The following ROR2 variants were observed in gnomAD, a reference collection of about 807,000 sequenced individuals.
ROR2 encodes the protein tyrosine-protein kinase transmembrane receptor ROR2.
ROR2 carries 33 observed loss-of-function variants against 74.9 expected under a neutral mutation model. The observed-to-expected ratio is 0.44, with a 90% CI of 0.33 to 0.59. ROR2 has a LOEUF of 0.59. Ranked by LOEUF, ROR2 falls within the 20% of genes least tolerant of loss-of-function variation. The pLI is 0.02. For missense variants in ROR2, 1,216 were observed against 1,313.8 expected, an observed-to-expected ratio of 0.93 and a Z score of 1.15; for synonymous variants, 586 against 558.7, an observed-to-expected ratio of 1.05 and a Z score of -0.69.
chr9:91,784,207 GC>G (rs1316131879), intron 1 of ROR2, among the ~76,000 whole-genome samples: 7 of 152,266 alleles, frequency 4.6e-5, no homozygotes, highest in Non-Finnish European at 2.9e-5. Flanking sequence ...AGGCCACAAG[GC>G]TGGAGTTCGT....
intron 1 of ROR2, among the ~76,000 whole-genome samples, chr9:91,862,075 G>A (rs1351540873): frequency 6.6e-6 from 1 of 152,126 alleles, no homozygotes; most frequent in Non-Finnish European, 1.5e-5. Context: ...TGTAATCCCA[G>A]CACTTTGGGA....
intron 5 of ROR2, among the ~76,000 whole-genome samples, chr9:91,735,783 A>AT (rs1825004092): frequency 6.6e-6 from 1 of 151,424 alleles, no homozygotes; most frequent in Non-Finnish European, 1.5e-5. Flanking sequence ...TGCCCAGCTA[A>AT]TTTTTTGTGT....
At chr9:91,792,224 A>C (rs1311285227) in intron 1 of ROR2, among the ~76,000 whole-genome samples, 1 of 152,230 alleles carries the variant, frequency 6.6e-6, no homozygotes, top group Non-Finnish European at 1.5e-5. Flanking sequence ...GAAGGAAGGA[A>C]ATAACAAAGA....
At chr9:91,800,408 G>A (rs1827337373) in intron 1 of ROR2, among the ~76,000 whole-genome samples, 1 of 151,970 alleles carries the variant, frequency 6.6e-6, no homozygotes, top group South Asian at 2.1e-4. Context: ...GTGGTGTACT[G>A]CAAAGCACTG....
rs145042545 is a variant in ROR2, at chr9:91,726,286, G to A, written c.1386+255C>T. Among the ~76,000 whole-genome samples the A allele has an allele frequency of 8.1e-3, 1,228 of 152,300 alleles. 21 individuals are homozygous for A. Among genetic ancestry groups the A allele is most frequent in the African/African-American group, 0.027 (1,123 of 41,552 alleles). ...GTGAGGACACTCGCTGGGGCCCACA[G>A]GGGCAGCATGGTCCAGGCAGAAGGA... On this transcript the variant is annotated intron_variant, in intron 8 of 8. Coordinates refer to ENST00000375708, the MANE Select transcript of ROR2 (RefSeq NM_004560.4).
At chr9:91,762,603 A>T (rs1825949572) in intron 2 of ROR2, among the ~76,000 whole-genome samples, 1 of 152,230 alleles carries the variant, frequency 6.6e-6, no homozygotes, top group Non-Finnish European at 1.5e-5. Context: ...CTTAAAAAAA[A>T]TTCTAGAATG....
intron 1 of ROR2, among the ~76,000 whole-genome samples, chr9:91,777,435 A>G (rs1297944300): frequency 6.6e-6 from 1 of 151,762 alleles, no homozygotes; most frequent in Non-Finnish European, 1.5e-5. Flanking sequence ...TCATCATCAA[A>G]ATGTTATTAT....
chr9:91,912,240 G>C (rs988841690), intron 1 of ROR2, among the ~76,000 whole-genome samples: 2 of 151,098 alleles, frequency 1.3e-5, no homozygotes, highest in African/African-American at 4.8e-5. Context: ...ATTGACTTAA[G>C]AGATTAACAT....
intron 1 of ROR2, among the ~76,000 whole-genome samples, chr9:91,894,688 G>C (rs1334021546): frequency 6.6e-6 from 1 of 152,178 alleles, no homozygotes; most frequent in Non-Finnish European, 1.5e-5. Flanking sequence ...TGTTATTCTT[G>C]AGAGTGGAGG....
chr9:91,778,770 G>A (rs992966496), intron 1 of ROR2, among the ~76,000 whole-genome samples: 2 of 152,120 alleles, frequency 1.3e-5, no homozygotes. Context: ...ACTTTTCTCC[G>A]CTGGACCTGG....
intron 1 of ROR2, among the ~76,000 whole-genome samples, chr9:91,781,975 T>C (rs1401235305): frequency 6.6e-6 from 1 of 152,220 alleles, no homozygotes; most frequent in African/African-American, 2.4e-5. Context: ...AAAAGCCCAC[T>C]GTCAGGGGCC....
chr9:91,890,251 C>T (rs1034787656), intron 1 of ROR2, among the ~76,000 whole-genome samples: 5 of 152,188 alleles, frequency 3.3e-5, no homozygotes, highest in African/African-American at 1.2e-4. Flanking sequence ...TGGGTACGGA[C>T]CCAGGCACAG....
At chr9:91,780,020 G>A (rs1423939179) in intron 1 of ROR2, among the ~76,000 whole-genome samples, 1 of 152,214 alleles carries the variant, frequency 6.6e-6, no homozygotes, top group African/African-American at 2.4e-5. Context: ...ACTGTTGATA[G>A]GGATGATGCC....
chr9:91,762,715 G>A (rs1361823235), intron 2 of ROR2, among the ~76,000 whole-genome samples: 2 of 152,110 alleles, frequency 1.3e-5, no homozygotes, highest in African/African-American at 4.8e-5. Flanking sequence ...TTCCCTGAAA[G>A]GTCATATTTG....
intron 1 of ROR2, among the ~76,000 whole-genome samples, chr9:91,884,714 A>C (rs538726763): frequency 6.6e-6 from 1 of 152,148 alleles, no homozygotes; most frequent in East Asian, 1.9e-4. Flanking sequence ...TACACATTCA[A>C]GACTCTTCCC....
rs7038731 is a variant in ROR2 at position 91,949,153 on chromosome 9, A to C, written c.97+714T>G. Among the ~76,000 whole-genome samples the C allele has an allele frequency of 4.2e-3, 626 of 150,428 alleles. 5 individuals carry two copies. Among genetic ancestry groups the C allele is most frequent in the African/African-American group, 0.015 (597 of 40,900 alleles). On this transcript the variant is annotated intron_variant, in intron 1 of 8. Coordinates refer to ENST00000375708, the MANE Select transcript of ROR2 (RefSeq NM_004560.4). ...CGCGGCCAGAAGGCGGCCGCGCCCC[A>C]GCCGCTCAGGGACCCGCGATCCCAG... is the stretch of plus-strand genomic sequence containing the variant.
intron 1 of ROR2, chr9:91,948,458 C>A (rs149126669): frequency 1.5e-5 from 8 of 547,494 alleles, no homozygotes; most frequent in Non-Finnish European, 1.9e-5. Flanking sequence ...TTATTGTGCA[C>A]TCTGAGCGGT....
intron 1 of ROR2, among the ~76,000 whole-genome samples, chr9:91,854,481 G>T (rs1829213805): frequency 2.0e-5 from 3 of 152,224 alleles, no homozygotes; most frequent in Admixed American, 6.5e-5. Flanking sequence ...TACTCCATTT[G>T]CAGAGTTGTC....
intron 1 of ROR2, among the ~76,000 whole-genome samples, chr9:91,944,673 A>G (rs1831966364): frequency 6.6e-6 from 1 of 152,258 alleles, no homozygotes; most frequent in Non-Finnish European, 1.5e-5. Flanking sequence ...CAAAAGACTC[A>G]TACACTAAAA....
Sources: gnomAD v4.1 joint callset for allele counts (sites outside exome capture counted in the v4.1 genomes callset) on GRCh38, gnomAD v4.1.1 for gene constraint, MANE v1.5 for transcripts, NCBI Gene and HGNC (gene_info 2026-07-23, HGNC 2026-07-21) for gene names.